The following TRPM3 variants were observed in gnomAD, a reference collection of about 807,000 sequenced individuals.
TRPM3 encodes long transient receptor potential channel 3.
TRPM3 carries 77 observed loss-of-function variants against 181.2 expected under a neutral mutation model. That is an observed-to-expected ratio of 0.42 (90% CI 0.35 to 0.51). The LOEUF (loss-of-function observed/expected upper bound fraction) is 0.51, where lower values mean the gene tolerates loss of function less well. Ranked by LOEUF, TRPM3 falls within the 20% of genes least tolerant of loss-of-function variation. TRPM3 has a pLI of 0.01. For missense variants in TRPM3, 1,759 were observed against 2,196.7 expected, an observed-to-expected ratio of 0.80 and a Z score of 3.98; for synonymous variants, 745 against 796.4, an observed-to-expected ratio of 0.94 and a Z score of 1.09.
At chr9:71,270,910 T>C (rs2083739761) in intron 1 of TRPM3, among the ~76,000 whole-genome samples, 1 of 152,204 alleles carries the variant, frequency 6.6e-6, no homozygotes. Flanking sequence ...GGGAAAGAGC[T>C]GAGGCTTCTT....
chr9:71,195,130 A>G (rs1028139970), intron 1 of TRPM3, among the ~76,000 whole-genome samples: 2 of 152,104 alleles, frequency 1.3e-5, no homozygotes, highest in African/African-American at 4.8e-5. Context: ...AGCAAGATCA[A>G]TTGCAGCAAA....
intron 1 of TRPM3, among the ~76,000 whole-genome samples, chr9:70,971,440 C>T (rs2993008): frequency 0.11 from 16,537 of 152,022 alleles, 1,027 homozygotes; most frequent in African/African-American, 0.16. Context: ...TCTCTATTCA[C>T]CGCTAGGAAC....
chr9:71,337,734 A>G (rs147411239), intron 1 of TRPM3, among the ~76,000 whole-genome samples: 9 of 152,336 alleles, frequency 5.9e-5, no homozygotes, highest in African/African-American at 1.9e-4. Flanking sequence ...AATGTACACT[A>G]TGGAATACTA....
At chr9:70,984,861 T>C (rs534929144) in intron 1 of TRPM3, among the ~76,000 whole-genome samples, 1 of 152,354 alleles carries the variant, frequency 6.6e-6, no homozygotes, top group Admixed American at 6.5e-5. Context: ...TTGTGGTAAT[T>C]TGTCTAGCAG....
At chr9:71,117,812 T>C (rs1223986164) in intron 1 of TRPM3, among the ~76,000 whole-genome samples, 1 of 152,186 alleles carries the variant, frequency 6.6e-6, no homozygotes, top group African/African-American at 2.4e-5. Context: ...CTTAAATATC[T>C]TTCCAAAATC....
At chr9:70,759,019 G>T (rs1323990535) in intron 8 of TRPM3, among the ~76,000 whole-genome samples, 1 of 152,114 alleles carries the variant, frequency 6.6e-6, no homozygotes, top group Non-Finnish European at 1.5e-5. Context: ...CATAGCAAAA[G>T]AAACTATCAT....
At chr9:71,364,000 A>G (rs2092249807) in intron 1 of TRPM3, among the ~76,000 whole-genome samples, 1 of 152,216 alleles carries the variant, frequency 6.6e-6, no homozygotes, top group South Asian at 2.1e-4. Context: ...GAGGTGTTTA[A>G]GTTCATTTAG....
At chr9:70,572,430 G>C (rs569761258) in intron 22 of TRPM3, among the ~76,000 whole-genome samples, 1 of 152,232 alleles carries the variant, frequency 6.6e-6, no homozygotes, top group Non-Finnish European at 1.5e-5. Context: ...CTCCAAACTT[G>C]ATACAAATTT....
intron 1 of TRPM3, among the ~76,000 whole-genome samples, chr9:70,902,497 A>G (rs968048027): frequency 9.2e-5 from 14 of 152,220 alleles, no homozygotes; most frequent in African/African-American, 3.1e-4. Flanking sequence ...GCATTTTGCA[A>G]AAGAGACACA....
intron 1 of TRPM3, among the ~76,000 whole-genome samples, chr9:70,947,755 G>A (rs993668496): frequency 6.6e-6 from 1 of 152,094 alleles, no homozygotes; most frequent in Non-Finnish European, 1.5e-5. Flanking sequence ...GTGGGTGGGG[G>A]AAAGAAGGTT....
At chr9:71,353,664 C>G (rs532099728) in intron 1 of TRPM3, among the ~76,000 whole-genome samples, 2 of 152,160 alleles carry the variant, frequency 1.3e-5, no homozygotes, top group Non-Finnish European at 2.9e-5. Flanking sequence ...TTATCCTTGA[C>G]AGATATCGCT....
intron 1 of TRPM3, among the ~76,000 whole-genome samples, chr9:71,299,680 A>G (rs529785081): frequency 1.1e-4 from 16 of 152,268 alleles, no homozygotes; most frequent in African/African-American, 3.9e-4. Flanking sequence ...CATAAAAATC[A>G]AAGAACTTTC....
Position 70,846,370 on chromosome 9 carries a change from G to C in TRPM3, c.676+8C>G, listed in dbSNP as rs764887062. Reference sequence around the variant, plus strand: ...TATGTTGACTTTCTCTGTTCCACTTGCAATTACCTGTGTTAACCCCTCCAG... The same window carrying C: ...TATGTTGACTTTCTCTGTTCCACTTCCAATTACCTGTGTTAACCCCTCCAG... On this transcript the variant is annotated splice_region_variant and intron_variant, in intron 4 of 25. Transcript: ENST00000677713. 1 of 1,611,470 alleles carries C rather than the reference G, an allele frequency of 6.2e-7. No individual in the cohort carries two copies. The highest frequency in any genetic ancestry group is 8.5e-7 in the Non-Finnish European group (1 of 1,177,774).
intron 1 of TRPM3, chr9:70,916,892 G>T: frequency 1.4e-6 from 1 of 723,334 alleles, no homozygotes; most frequent in Non-Finnish European, 2.2e-6. Flanking sequence ...AGTGCTGGCA[G>T]ATGGGGAGGC....
intron 22 of TRPM3, among the ~76,000 whole-genome samples, chr9:70,569,128 T>C (rs2051464685): frequency 6.6e-6 from 1 of 152,208 alleles, no homozygotes; most frequent in African/African-American, 2.4e-5. Flanking sequence ...AAATATCATT[T>C]ATATTGTGTT....
intron 1 of TRPM3, among the ~76,000 whole-genome samples, chr9:71,057,145 T>C (rs1478355119): frequency 6.6e-6 from 1 of 152,080 alleles, no homozygotes; most frequent in Non-Finnish European, 1.5e-5. Context: ...TGGATTTCTA[T>C]GCCTTTCTTA....
chr9:71,385,722 T>C (rs2092907620), intron 1 of TRPM3, among the ~76,000 whole-genome samples: 1 of 152,184 alleles, frequency 6.6e-6, no homozygotes, highest in Non-Finnish European at 1.5e-5. Flanking sequence ...TTATTCATTT[T>C]GAGACAGGGT....
chr9:71,352,224 A>T (rs1365640154), intron 1 of TRPM3, among the ~76,000 whole-genome samples: 1 of 152,166 alleles, frequency 6.6e-6, no homozygotes, highest in African/African-American at 2.4e-5. Context: ...AATGTTCATT[A>T]TGTTATTTGT....
At chr9:70,843,305 C>G (rs1164809053) in intron 4 of TRPM3, among the ~76,000 whole-genome samples, 178 bp from the exon 5 acceptor site, 1 of 152,126 alleles carries the variant, frequency 6.6e-6, no homozygotes, top group Non-Finnish European at 1.5e-5. Flanking sequence ...GGCTGTAATG[C>G]CAGATGCATT....
Sources: allele counts gnomAD v4.1 joint callset (sites outside exome capture counted in the v4.1 genomes callset), GRCh38; gene constraint gnomAD v4.1.1; transcripts MANE v1.5; gene names NCBI Gene and HGNC (gene_info 2026-07-23, HGNC 2026-07-21).